Variants in MRPS27 observed in about 807,000 individuals in gnomAD.
MRPS27 encodes the protein mitochondrial ribosomal protein S27.
Under a neutral mutation model 48.9 loss-of-function variants are expected in MRPS27, and 43 were observed. The ratio of observed to expected loss-of-function variants is 0.88; its 90% CI spans 0.69 to 1.13. The LOEUF (loss-of-function observed/expected upper bound fraction) is 1.13. Among genes scored for constraint, MRPS27 ranks in the 50% most tolerant of loss-of-function variants. The probability of loss-of-function intolerance (pLI) is 0.00; values close to 1 mark genes in which losing one functional copy is unlikely to be tolerated. For missense variants in MRPS27, 467 were observed against 476.3 expected, an observed-to-expected ratio of 0.98 and a Z score of 0.18; for synonymous variants, 188 against 171.9, an observed-to-expected ratio of 1.09 and a Z score of -0.73.
At position 72,235,894 on chromosome 5, in the gene MRPS27, C is replaced by CCTTT. The variant is rs138808893; in HGVS notation, c.397-1698_397-1697insAAAG. On this transcript the variant is annotated intron_variant, in intron 5 of 10. Transcript: ENST00000261413. ...CTTTTAAAGACTGGAACTTTTCCTT[C>CCTTT]GTCTTGTCACTGTATAGGATTTATG... Among the ~76,000 whole-genome samples, 774 of 152,222 alleles carry CCTTT rather than the reference C, an allele frequency of 5.1e-3. 3 individuals carry two copies. Among genetic ancestry groups the CCTTT allele is most frequent in the African/African-American group, 0.018 (744 of 41,558 alleles).
chr5:72,305,124 T>C (rs1450821803), intron 2 of MRPS27, among the ~76,000 whole-genome samples: 1 of 152,198 alleles, frequency 6.6e-6, no homozygotes, highest in Non-Finnish European at 1.5e-5. Context: ...TATTTGTCTG[T>C]CACCAGAAGC....
At chr5:72,308,322 C>G (rs1446067302) in intron 2 of MRPS27, among the ~76,000 whole-genome samples, 1 of 152,260 alleles carries the variant, frequency 6.6e-6, no homozygotes, top group Non-Finnish European at 1.5e-5. Context: ...CGCTCTGGCA[C>G]ATGAAGCCCA....
At chr5:72,293,981 G>A (rs985781330) in intron 4 of MRPS27, among the ~76,000 whole-genome samples, 1 of 152,078 alleles carries the variant, frequency 6.6e-6, no homozygotes, top group African/African-American at 2.4e-5. Context: ...CAAGGGGTTC[G>A]TTTATCTTTA....
chr5:72,222,945 C>A (rs986790434), intron 10 of MRPS27, among the ~76,000 whole-genome samples: 1 of 152,192 alleles, frequency 6.6e-6, no homozygotes, highest in Non-Finnish European at 1.5e-5. Flanking sequence ...ACCAAAATGA[C>A]ACAAGTTACA....
At chr5:72,251,449 G>A (rs1220468429) in intron 4 of MRPS27, among the ~76,000 whole-genome samples, 1 of 152,176 alleles carries the variant, frequency 6.6e-6, no homozygotes, top group African/African-American at 2.4e-5. Flanking sequence ...GAAGCAAGGG[G>A]ATGACCTAAG....
intron 4 of MRPS27, among the ~76,000 whole-genome samples, chr5:72,266,669 T>G (rs1034401619): frequency 1.3e-5 from 2 of 151,976 alleles, no homozygotes; most frequent in African/African-American, 4.8e-5. Flanking sequence ...ACCATCCTGG[T>G]TAACATGGTG....
In MRPS27 at chr5:72,226,159, G is replaced by T. The variant is rs773194814; in HGVS notation, c.735C>A (p.His245Gln). The T allele has an allele frequency of 1.9e-6, 3 of 1,613,688 alleles. No homozygotes were observed. Among genetic ancestry groups the T allele is most frequent in the African/African-American group, 1.3e-5 (1 of 74,866 alleles). ...CTGGTTTCCATATCAGAGGCATGTT[G>T]TGGTACACAGCCCGTAGCCCTTGCT... ...ELQQGLRAVY[H>Q]NMPLIWKPGY... Residue 245 changes from histidine to glutamine, a missense_variant, in exon 9 of 11, where the codon CAC becomes CAA. His to Gln is a conservative substitution (Grantham distance 24, BLOSUM62 0). Coordinates refer to ENST00000261413, the MANE Select transcript of MRPS27 (RefSeq NM_015084.3).
intron 2 of MRPS27, among the ~76,000 whole-genome samples, chr5:72,310,199 A>G (rs1323912793): frequency 6.6e-6 from 1 of 152,176 alleles, no homozygotes; most frequent in East Asian, 1.9e-4. Flanking sequence ...TTTTTCCAGA[A>G]CTGTTCACTG....
chr5:72,302,437 G>C (rs1750150362), intron 2 of MRPS27, among the ~76,000 whole-genome samples: 1 of 152,208 alleles, frequency 6.6e-6, no homozygotes, highest in South Asian at 2.1e-4. Context: ...TTATGTTTGG[G>C]AGCAACCATG....
At chr5:72,279,756 TG>T (rs1203719239) in intron 4 of MRPS27, among the ~76,000 whole-genome samples, 6 of 147,684 alleles carry the variant, frequency 4.1e-5, no homozygotes, top group Non-Finnish European at 8.8e-5. Context: ...TCTTTTGTTA[TG>T]TTTTTTGTGT....
At chr5:72,295,220 A>T (rs1749944593) in intron 4 of MRPS27, 1 of 188,496 alleles carries the variant, frequency 5.3e-6, no homozygotes, top group Non-Finnish European at 1.1e-5. Flanking sequence ...TAAAACTATA[A>T]ATATATATAC....
At chr5:72,258,541 A>G (rs1419201144) in intron 4 of MRPS27, among the ~76,000 whole-genome samples, 1 of 152,182 alleles carries the variant, frequency 6.6e-6, no homozygotes, top group Non-Finnish European at 1.5e-5. Context: ...GGAGGTATTT[A>G]GGTCATGAGG....
intron 4 of MRPS27, among the ~76,000 whole-genome samples, chr5:72,289,604 T>C (rs1261676580): frequency 6.6e-6 from 1 of 151,988 alleles, no homozygotes; most frequent in Non-Finnish European, 1.5e-5. Flanking sequence ...TGTATCTTTT[T>C]ATAGAGATAA....
At chr5:72,271,872 A>G (rs1749250229) in intron 4 of MRPS27, among the ~76,000 whole-genome samples, 1 of 152,232 alleles carries the variant, frequency 6.6e-6, no homozygotes, top group Admixed American at 6.5e-5. Flanking sequence ...GATATCCAGC[A>G]TCTGTTGCAG....
chr5:72,257,273 T>C (rs1561342078), intron 4 of MRPS27, among the ~76,000 whole-genome samples: 1 of 152,206 alleles, frequency 6.6e-6, no homozygotes, highest in Non-Finnish European at 1.5e-5. Flanking sequence ...GGGGGTTAAA[T>C]GAGAAGATCT....
intron 4 of MRPS27, among the ~76,000 whole-genome samples, chr5:72,250,049 A>G (rs777168546): frequency 1.3e-5 from 2 of 152,216 alleles, no homozygotes. Flanking sequence ...CATTGATAAC[A>G]AGTTTAGAAG....
rs541518624 is a variant in MRPS27, at chr5:72,284,977, T to C, written c.281+10554A>G. Among the ~76,000 whole-genome samples the C allele has an allele frequency of 9.8e-5, 15 of 152,364 alleles. No homozygotes were observed. In the South Asian group the frequency reaches 3.1e-3, roughly 32 times the overall value. On this transcript the variant is annotated intron_variant, in intron 4 of 10. Transcript: ENST00000261413. Reference sequence around the variant, plus strand: ...TGAGTGTATCAGGAGGTTAAATTCCTAGAGGTGGAATTATTGGGCCAGAGG... The same window carrying C: ...TGAGTGTATCAGGAGGTTAAATTCCCAGAGGTGGAATTATTGGGCCAGAGG...
chr5:72,308,822 G>C (rs1031559645), intron 2 of MRPS27, among the ~76,000 whole-genome samples: 2 of 152,248 alleles, frequency 1.3e-5, no homozygotes, highest in African/African-American at 4.8e-5. Flanking sequence ...AGCAGTGTGA[G>C]TTCCAAAACA....
At position 72,266,859 on chromosome 5, in the gene MRPS27, C is replaced by CA. The variant is rs879421705; in HGVS notation, c.281+28671dup. Among the ~76,000 whole-genome samples the CA allele has an allele frequency of 2.3e-3, 310 of 137,374 alleles. 1 individual carries two copies. The highest frequency in any genetic ancestry group is 6.1e-3 in the African/African-American group (229 of 37,404). The allele number at this position is 137,374 out of a possible 152,430, so 90.1% of individuals were successfully genotyped here. A position where few individuals can be genotyped will look rare whatever the true frequency, so the allele number is the denominator to read the frequency against. On this transcript the variant is annotated intron_variant, in intron 4 of 10. Transcript: ENST00000261413. ...TGGGTGACAGAGCGAGATTTCGTCTCAAAAAAAAAAAGAAGATGAAGCCCG... is the reference window on the plus strand; with the variant it reads ...TGGGTGACAGAGCGAGATTTCGTCTCAAAAAAAAAAAAGAAGATGAAGCCCG...
Sources: gnomAD v4.1 joint callset for allele counts (sites outside exome capture counted in the v4.1 genomes callset) on GRCh38, gnomAD v4.1.1 for gene constraint, MANE v1.5 for transcripts, NCBI Gene and HGNC (gene_info 2026-07-23, HGNC 2026-07-21) for gene names.